The following NUP214 variants were observed in gnomAD, a reference collection of about 807,000 sequenced individuals.
The protein encoded by NUP214 is nuclear pore complex protein Nup214.
NUP214 carries 79 observed loss-of-function variants against 196.2 expected under a neutral mutation model. The ratio of observed to expected loss-of-function variants is 0.40; its 90% CI spans 0.34 to 0.49. The LOEUF is 0.49. Among genes scored for constraint, NUP214 ranks in the 20% least tolerant of loss-of-function variants. The probability of loss-of-function intolerance (pLI) is 0.58; values close to 1 mark genes in which losing one functional copy is unlikely to be tolerated. For synonymous variants in NUP214, 1,020 were observed against 990.5 expected (o/e 1.03, Z -0.56); for missense variants, 2,468 against 2,539.0 (o/e 0.97, Z 0.60).
At chr9:131,217,091 CTT>C (rs1450618998) in intron 31 of NUP214, among the ~76,000 whole-genome samples, 1 of 152,172 alleles carries the variant, frequency 6.6e-6, no homozygotes, top group African/African-American at 2.4e-5. Context: ...GTTAGCAAAA[CTT>C]TCTATCCTGA....
At chr9:131,222,991 T>C (rs965088708) in intron 32 of NUP214, 61 bp downstream of exon 32, 11 of 1,523,320 alleles carry the variant, frequency 7.2e-6, no homozygotes, top group Admixed American at 3.7e-5. Flanking sequence ...TGCATAGATA[T>C]CTGGAAGGAG....
In NUP214 at chr9:131,140,687, G is replaced by T. The variant is rs779194806; in HGVS notation, c.1271G>T (p.Gly424Val). Reference protein sequence around the residue: ...IKTPERLSLEGERQPKSPGST... With the variant: ...IKTPERLSLEVERQPKSPGST... Reference sequence around the variant, plus strand: ...ACACCAGAGCGACTTTCATTAGAAGGAGAGCGACAGCCCAAGTCACCAGGT... The same window carrying T: ...ACACCAGAGCGACTTTCATTAGAAGTAGAGCGACAGCCCAAGTCACCAGGT... Residue 424 changes from glycine to valine, a missense_variant, in exon 11 of 36, where the codon GGA becomes GTA. Physicochemically the swap from Gly to Val is moderately radical, Grantham distance 109. This residue lies in a region of NUP214 where 1,801 missense variants were observed against 1,779.4 expected (regional missense o/e 1.01). Transcript: ENST00000359428. 1.9e-6 allele frequency: 3 copies of T among 1,613,830 alleles called. No individual in the cohort carries two copies. In the East Asian group the frequency reaches 6.7e-5, roughly 36 times the overall value.
At chr9:131,197,118 G>A (rs1833809886) in intron 28 of NUP214, 98 bp from the exon 29 acceptor site, 1 of 1,517,546 alleles carries the variant, frequency 6.6e-7, no homozygotes, top group African/African-American at 1.4e-5. Flanking sequence ...TCTGTAGAGG[G>A]AGGAGAGAAA....
intron 4 of NUP214, among the ~76,000 whole-genome samples, chr9:131,130,132 G>GTTTTTTTTTTTTTTTTT (rs1245763919): frequency 8.6e-5 from 4 of 46,550 alleles, no homozygotes; most frequent in Non-Finnish European, 8.5e-5. Flanking sequence ...ATGATTTCTG[G>GTTTTTTTTTTTTTTTTT]TTTTGTTTTT....
intron 8 of NUP214, 32 bp downstream of exon 8, chr9:131,135,036 C>T (rs769554801): frequency 2.1e-6 from 3 of 1,421,714 alleles, no homozygotes; most frequent in Non-Finnish European, 3.0e-6. Flanking sequence ...GGCATTCCTG[C>T]TCTCACTGGA....
intron 24 of NUP214, among the ~76,000 whole-genome samples, chr9:131,181,917 T>C (rs1012414360): frequency 1.4e-4 from 21 of 152,238 alleles, no homozygotes; most frequent in Admixed American, 7.2e-4. Context: ...CACCGATGTT[T>C]TCTTTGAAGA....
chr9:131,144,848 T>C, intron 12 of NUP214, 94 bp downstream of exon 12: 1 of 1,006,560 alleles, frequency 9.9e-7, no homozygotes, highest in Non-Finnish European at 1.4e-6. Context: ...AGGAGTTAAC[T>C]GAGTAGAATT....
At chr9:131,187,120 T>C in intron 24 of NUP214, 169 bp from the exon 25 acceptor site, 1 of 590,682 alleles carries the variant, frequency 1.7e-6, no homozygotes, top group South Asian at 2.2e-5. Flanking sequence ...AGTTCATTTT[T>C]AAAATTTATC....
chr9:131,211,594 A>G lies in NUP214; in HGVS notation c.5593-3618A>G, dbSNP rs760458906. Among the ~76,000 whole-genome samples the G allele has an allele frequency of 5.7e-4, 86 of 152,176 alleles. 1 individual carries two copies. The highest frequency in any genetic ancestry group is 1.1e-3 in the Non-Finnish European group (76 of 68,022). On this transcript the variant is annotated intron_variant, in intron 30 of 35. Coordinates refer to ENST00000359428, the MANE Select transcript of NUP214 (RefSeq NM_005085.4). ...CTGAAGCCGTGACAGAAGAACATAA[A>G]TTGTGAAGATTTCATGGACATTTAT...
chr9:131,187,101 A>C, intron 24 of NUP214, 188 bp from the exon 25 acceptor site: 3 of 573,774 alleles, frequency 5.2e-6, no homozygotes, highest in Non-Finnish European at 6.3e-6. Context: ...TTTCATGCTA[A>C]AAACCCAAAG....
At position 131,222,930 on chromosome 9, in the gene NUP214, G is replaced by A. The variant is rs1407602118; in HGVS notation, c.5902G>A (p.Gly1968Ser). Residue 1968 changes from glycine (G) to serine (S), a missense_variant and splice_region_variant, in exon 32 of 36, where the codon GGT (glycine) becomes AGT (serine). Gly to Ser is a moderately conservative substitution (Grantham distance 56, BLOSUM62 0). Coordinates refer to ENST00000359428, the MANE Select transcript of NUP214 (RefSeq NM_005085.4). The part of the protein sequence containing the change: ...GFGFSSPNKT[G>S]GFGAAPVFGS... The stretch of plus-strand genomic sequence containing the variant: ...TGGGTTTTCCTCTCCAAACAAAACA[G>A]GTACTCCTATGTCTATTTGTTATGG... The A allele has an allele frequency of 6.2e-7, 1 of 1,613,460 alleles. No homozygotes were observed. The highest frequency in any genetic ancestry group is 1.7e-5 in the Admixed American group (1 of 59,944).
intron 30 of NUP214, among the ~76,000 whole-genome samples, chr9:131,211,101 T>C (rs1301862993): frequency 2.6e-5 from 4 of 152,188 alleles, no homozygotes; most frequent in African/African-American, 9.7e-5. Context: ...ATCATTCATA[T>C]AGGAATTCAT....
In NUP214 at chr9:131,230,808, G is replaced by A. The variant is rs758986813; in HGVS notation, c.6214+39G>A. On this transcript the variant is annotated intron_variant, in intron 34 of 35. Transcript: ENST00000359428. ...AGTTCTCCCCTCACAAGCAAAATGG[G>A]TCCCTCTTGCCTTCTCCCCCAAAGA... The A allele has an allele frequency of 5.6e-6, 9 of 1,597,224 alleles. No individual in the cohort carries two copies. In the South Asian group the frequency reaches 1.0e-4, roughly 18 times the overall value.
chr9:131,223,723 A>ATTTATTTATTTATTTTTTT (rs1554742606), intron 32 of NUP214, among the ~76,000 whole-genome samples: 1 of 18,968 alleles, frequency 5.3e-5, no homozygotes, highest in Non-Finnish European at 1.2e-4. Flanking sequence ...TTATTTATTT[A>ATTTATTTATTTATTTTTTT]TTTATTTTTT....
At chr9:131,210,500 C>T (rs1298967431) in intron 30 of NUP214, among the ~76,000 whole-genome samples, 3 of 151,842 alleles carry the variant, frequency 2.0e-5, no homozygotes, top group Non-Finnish European at 4.4e-5. Context: ...GGTGGCGCGC[C>T]CCTGTAGTCC....
At chr9:131,228,114 CCTTT>C in intron 32 of NUP214, 42 bp from the exon 33 acceptor site, 2 of 1,491,506 alleles carry the variant, frequency 1.3e-6, no homozygotes, top group Non-Finnish European at 1.8e-6. Context: ...CCTGTCTCCT[CCTTT>C]CTTTCTCCCT....
intron 21 of NUP214, 27 bp from the exon 22 acceptor site, chr9:131,174,019 GTTGTCTAAA>G (rs1020352997): frequency 6.2e-7 from 1 of 1,600,324 alleles, no homozygotes; most frequent in Non-Finnish European, 8.5e-7. Flanking sequence ...CTTGCTTTGA[GTTGTCTAAA>G]TTGTGTTTTG....
At chr9:131,139,226 A>G in intron 9 of NUP214, 55 bp from the exon 10 acceptor site, 2 of 1,419,156 alleles carry the variant, frequency 1.4e-6, no homozygotes, top group South Asian at 1.5e-5. Context: ...TCTAACCAAC[A>G]TGGCTTTTTC....
Position 131,198,310 on chromosome 9 carries a change from C to T in NUP214, c.4816C>T (p.Pro1606Ser). 6.2e-7 allele frequency: 1 copy of T among 1,614,178 alleles called. No homozygotes were observed. Among genetic ancestry groups the T allele is most frequent in the Non-Finnish European group, 8.5e-7 (1 of 1,180,032 alleles). The stretch of plus-strand genomic sequence containing the variant: ...AGCAGCTGCTATCTCAAGTGCAGGC[C>T]CTGTGGCCGTCGAAACATCAAGTAC... ...VTAAAISSAG[P>S]VAVETSSTPI... Residue 1606 changes from proline (P) to serine (S), a missense_variant, in exon 29 of 36, where the codon CCT becomes TCT. Transcript: ENST00000359428.
Sources: gnomAD v4.1 joint callset for allele counts (sites outside exome capture counted in the v4.1 genomes callset) on GRCh38, gnomAD v4.1.1 for gene constraint, gnomAD v4.1.1 regional missense constraint, MANE v1.5 for transcripts, NCBI Gene and HGNC (gene_info 2026-07-23, HGNC 2026-07-21) for gene names.